Variants in CAMSAP2 observed in about 807,000 individuals in gnomAD.
The protein encoded by CAMSAP2 is calmodulin-regulated spectrin-associated protein 2.
Under a neutral mutation model 146.1 loss-of-function variants are expected in CAMSAP2, and 26 were observed. The ratio of observed to expected loss-of-function variants is 0.18; its 90% CI spans 0.13 to 0.25. The LOEUF is 0.25. CAMSAP2 is among the 10% of genes least tolerant of loss of function. CAMSAP2 has a pLI of 1.00. For synonymous variants in CAMSAP2, 499 were observed against 596.6 expected (o/e 0.84, Z 2.38); for missense variants, 1,381 against 1,759.3 (o/e 0.78, Z 3.85).
intron 2 of CAMSAP2, among the ~76,000 whole-genome samples, chr1:200,804,600 T>C (rs1048451648): frequency 6.6e-6 from 1 of 152,208 alleles, no homozygotes; most frequent in African/African-American, 2.4e-5. Context: ...AACAGGAATT[T>C]ACTTTCACCC....
At chr1:200,825,206 A>T (rs1666873856) in intron 4 of CAMSAP2, among the ~76,000 whole-genome samples, 1 of 152,134 alleles carries the variant, frequency 6.6e-6, no homozygotes, top group African/African-American at 2.4e-5. Flanking sequence ...CATCCTTGTT[A>T]ACTTTTGTTT....
At chr1:200,808,099 C>T (rs1303190383) in intron 3 of CAMSAP2, among the ~76,000 whole-genome samples, 1 of 152,156 alleles carries the variant, frequency 6.6e-6, no homozygotes, top group African/African-American at 2.4e-5. Flanking sequence ...TGAAAAAATT[C>T]AGAACACTCC....
intron 4 of CAMSAP2, among the ~76,000 whole-genome samples, chr1:200,817,022 A>ATATGTGTATACCCACATACACACGTG (rs1366866136): frequency 1.4e-5 from 2 of 140,388 alleles, no homozygotes; most frequent in African/African-American, 2.5e-5. Context: ...ACACACGTAT[A>ATATGTGTATACCCACATACACACGTG]TATGTGTATA....
In CAMSAP2 at chr1:200,739,606, T is replaced by C. The variant is rs1193157464; in HGVS notation, c.-222T>C. ...GACGGACGGAGACGGCGCCGCCACA[T>C]TCCTATGCCCGGGAGCGGCGGCGGC... On this transcript the variant is annotated 5_prime_UTR_variant, in exon 1 of 17. Transcript: ENST00000358823. The surrounding 1 kb of genome is among the most constrained non-coding windows in gnomAD (Gnocchi z 4.8). The C allele has an allele frequency of 3.7e-6, 1 of 271,162 alleles. No homozygotes were observed. The highest frequency in any genetic ancestry group is 6.5e-6 in the Non-Finnish European group (1 of 152,832). 16.8% of individuals were successfully genotyped at this position (271,162 alleles called of 1,614,324 possible). A position where few individuals can be genotyped will look rare whatever the true frequency, so the allele number is the denominator to read the frequency against.
intron 2 of CAMSAP2, among the ~76,000 whole-genome samples, chr1:200,777,925 C>T (rs906808967): frequency 2.6e-5 from 4 of 151,988 alleles, no homozygotes; most frequent in African/African-American, 9.7e-5. Context: ...GGTTACAGAG[C>T]GAGAACCTGA....
chr1:200,816,906 A>ACG lies in CAMSAP2; in HGVS notation c.645+1265_645+1266dup, dbSNP rs1666552889. ...CGCGTGTGTATGTGTGTACACACACACGCGTGTGTATGTGTGTACACACAC... is the reference window on the plus strand; with the variant it reads ...CGCGTGTGTATGTGTGTACACACACACGCGCGTGTGTATGTGTGTACACACAC... On this transcript the variant is annotated intron_variant, in intron 4 of 16. Transcript: ENST00000358823. Among the ~76,000 whole-genome samples, 3 of 75,548 alleles carry ACG rather than the reference A, an allele frequency of 4.0e-5. 1 individual carries two copies. Among genetic ancestry groups the ACG allele is most frequent in the Admixed American group, 2.4e-4 (2 of 8,380 alleles). The allele number at this position is 75,548 out of a possible 152,430, so 49.6% of individuals were successfully genotyped here.
intron 1 of CAMSAP2, among the ~76,000 whole-genome samples, chr1:200,744,684 T>TC (rs1234820261): frequency 1.3e-5 from 2 of 152,174 alleles, no homozygotes; most frequent in African/African-American, 4.8e-5. Context: ...AGAGGCCATT[T>TC]CCAGCCTCAT....
chr1:200,843,175 T>G (rs188462968), intron 7 of CAMSAP2, among the ~76,000 whole-genome samples: 4 of 152,188 alleles, frequency 2.6e-5, no homozygotes, highest in Non-Finnish European at 5.9e-5. Flanking sequence ...TTTCCTTGGC[T>G]CCAAAGTTTG....
chr1:200,820,965 T>C (rs1264922528), intron 4 of CAMSAP2, among the ~76,000 whole-genome samples: 1 of 152,188 alleles, frequency 6.6e-6, no homozygotes, highest in Non-Finnish European at 1.5e-5. Context: ...TGTATATAAA[T>C]ATATAAAACA....
Position 200,853,891 on chromosome 1 carries a change from C to A in CAMSAP2, c.3823+396C>A, listed in dbSNP as rs1667685594. ...ATCAAGAGTTCACAAGTCCCTCCTT[C>A]AAGATAGAAATGGTTGAAAATCCAA... On this transcript the variant is annotated intron_variant, in intron 13 of 16. Transcript: ENST00000358823. The surrounding 1 kb of genome is among the most constrained non-coding windows in gnomAD (Gnocchi z 5.1). Among the ~76,000 whole-genome samples the A allele has an allele frequency of 6.6e-6, 1 of 152,172 alleles. No individual in the cohort carries two copies. The highest frequency in any genetic ancestry group is 1.5e-5 in the Non-Finnish European group (1 of 68,026).
In CAMSAP2 at chr1:200,815,636, G is replaced by T; in HGVS notation, c.637G>T (p.Gly213Cys). 6.4e-7 allele frequency: 1 copy of T among 1,551,368 alleles called. No individual in the cohort carries two copies. The highest frequency in any genetic ancestry group is 1.3e-5 in the South Asian group (1 of 78,072). Residue 213 changes from glycine (G) to cysteine (C), a missense_variant, in exon 4 of 17, where the codon GGT becomes TGT. Around this residue, in one of 4 missense-constraint regions of CAMSAP2, gnomAD observed 284 missense variants for 406.9 expected, o/e 0.70. Transcript: ENST00000358823. ...KEHHTVEAPG[G>C]QKARYRKEQT... Reference sequence around the variant, plus strand: ...ACATCACACAGTTGAAGCTCCAGGAGGTCAAAAGGTATTTATTTCAAAAAC... The same window carrying T: ...ACATCACACAGTTGAAGCTCCAGGATGTCAAAAGGTATTTATTTCAAAAAC...
chr1:200,858,257 A>G lies in CAMSAP2; in HGVS notation c.*198A>G, dbSNP rs1208632054. On this transcript the variant is annotated 3_prime_UTR_variant, in exon 17 of 17. Coordinates refer to ENST00000358823, the MANE Select transcript of CAMSAP2 (RefSeq NM_203459.4). ...ATTCTCAATTAAGTGATAAGTCCAA[A>G]TGATGAAGGAAATGTTTTAATTCAC... The G allele has an allele frequency of 8.7e-6, 4 of 461,510 alleles. No homozygotes were observed. Among genetic ancestry groups the G allele is most frequent in the African/African-American group, 8.0e-5 (4 of 49,962 alleles). The allele number at this position is 461,510 out of a possible 1,614,324, so 28.6% of individuals were successfully genotyped here. A position where few individuals can be genotyped will look rare whatever the true frequency, so the allele number is the denominator to read the frequency against.
intron 6 of CAMSAP2, among the ~76,000 whole-genome samples, chr1:200,839,901 A>T (rs1667273990): frequency 6.6e-6 from 1 of 152,242 alleles, no homozygotes; most frequent in Non-Finnish European, 1.5e-5. Context: ...TCAAGCAGGG[A>T]TGAGAGCCAC....
At chr1:200,783,789 G>C (rs1025875049) in intron 2 of CAMSAP2, among the ~76,000 whole-genome samples, 10 of 152,122 alleles carry the variant, frequency 6.6e-5, no homozygotes, top group African/African-American at 2.4e-4. Flanking sequence ...TGCCCAGCCT[G>C]CGTTTCATTT....
At chr1:200,838,300 G>GTTAAT (rs1667232815) in intron 6 of CAMSAP2, among the ~76,000 whole-genome samples, 2 of 152,094 alleles carry the variant, frequency 1.3e-5, no homozygotes, top group South Asian at 4.1e-4. Flanking sequence ...TCAGCTTTCA[G>GTTAAT]TTAACTAGGC....
At chr1:200,753,971 T>G (rs1015726265) in intron 1 of CAMSAP2, among the ~76,000 whole-genome samples, 1 of 152,146 alleles carries the variant, frequency 6.6e-6, no homozygotes, top group Non-Finnish European at 1.5e-5. Context: ...GCAAAGATAT[T>G]CAGACAGATG....
chr1:200,776,511 A>T (rs1302753545), intron 2 of CAMSAP2, among the ~76,000 whole-genome samples: 1 of 152,192 alleles, frequency 6.6e-6, no homozygotes, highest in Non-Finnish European at 1.5e-5. Flanking sequence ...AGGAAGAAGA[A>T]CTTGAGGGTA....
intron 6 of CAMSAP2, among the ~76,000 whole-genome samples, chr1:200,837,589 G>GT (rs1295766111): frequency 2.6e-5 from 4 of 152,036 alleles, no homozygotes; most frequent in Non-Finnish European, 4.4e-5. Context: ...TTTTAAAATA[G>GT]TTTTTTTTAG....
chr1:200,744,135 A>G (rs61143976), intron 1 of CAMSAP2, among the ~76,000 whole-genome samples: 15,764 of 152,216 alleles, frequency 0.1, 891 homozygotes, highest in Middle Eastern at 0.14. Context: ...GAACTCTTCC[A>G]GAGTTACCCA....
Sources: allele counts gnomAD v4.1 joint callset (sites outside exome capture counted in the v4.1 genomes callset), GRCh38; gene constraint gnomAD v4.1.1; regional missense constraint gnomAD v4.1.1; non-coding constraint Gnocchi (gnomAD v3.1); transcripts MANE v1.5; gene names NCBI Gene and HGNC (gene_info 2026-07-23, HGNC 2026-07-21).